Variants in GALNT13 observed in about 807,000 individuals in gnomAD.
GALNT13 encodes the protein UDP-GalNAc:polypeptide N-acetylgalactosaminyltransferase 13.
GALNT13 carries 28 observed loss-of-function variants against 64.2 expected under a neutral mutation model. The ratio of observed to expected loss-of-function variants is 0.44; its 90% CI spans 0.32 to 0.60. GALNT13 has a LOEUF of 0.60. GALNT13 is among the 20% of genes least tolerant of loss of function. The pLI, the probability that GALNT13 is intolerant of heterozygous loss-of-function variation, is 0.05. For synonymous variants in GALNT13, 214 were observed against 224.6 expected (o/e 0.95, Z 0.42); for missense variants, 577 against 669.8 (o/e 0.86, Z 1.53).
At chr2:153,713,380 T>C in the GALNT13 span, among the ~76,000 whole-genome samples, 1 of 152,168 alleles carries the variant, frequency 6.6e-6, no homozygotes, top group Non-Finnish European at 1.5e-5. Flanking sequence ...ACATCCTGAT[T>C]CCAGGGTTTC....
At chr2:153,685,917 T>C in the GALNT13 span, among the ~76,000 whole-genome samples, 1 of 152,110 alleles carries the variant, frequency 6.6e-6, no homozygotes, top group African/African-American at 2.4e-5. Flanking sequence ...CCTCATTGCT[T>C]GTTTTTGTCA....
At chr2:154,397,072 C>T (rs1440114968) in intron 10 of GALNT13, among the ~76,000 whole-genome samples, 2 of 151,718 alleles carry the variant, frequency 1.3e-5, no homozygotes, top group Admixed American at 6.6e-5. Flanking sequence ...TTATATCCTC[C>T]ATATTGATAA....
At chr2:153,201,978 T>TC in the GALNT13 span, among the ~76,000 whole-genome samples, 5 of 144,946 alleles carry the variant, frequency 3.4e-5, no homozygotes, top group South Asian at 4.5e-4. Flanking sequence ...CATTTCTTTT[T>TC]TTTTTTTTTT....
the GALNT13 span, among the ~76,000 whole-genome samples, chr2:153,082,897 C>T: frequency 0.023 from 3,506 of 150,986 alleles, 128 homozygotes; most frequent in African/African-American, 0.081. Flanking sequence ...GGCACAGTCT[C>T]GGCTCACTGC....
the GALNT13 span, among the ~76,000 whole-genome samples, chr2:153,625,951 C>T: frequency 6.6e-6 from 1 of 152,062 alleles, no homozygotes; most frequent in African/African-American, 2.4e-5. Flanking sequence ...CTGATCAAGG[C>T]ATAATTTTTC....
chr2:153,632,977 T>A, the GALNT13 span, among the ~76,000 whole-genome samples: 1 of 152,060 alleles, frequency 6.6e-6, no homozygotes, highest in Non-Finnish European at 1.5e-5. Context: ...GCCAGGCTGG[T>A]CTCGAACTCC....
rs148025521 is a variant in GALNT13, at chr2:154,404,808, G to C, written c.1297-4176G>C. Reference sequence around the variant, plus strand: ...AAAATGGGTGAGGTAAATGGGGTCAGGAGGTCTCAAGAAATAGAAGGGTAA... The same window carrying C: ...AAAATGGGTGAGGTAAATGGGGTCACGAGGTCTCAAGAAATAGAAGGGTAA... On this transcript the variant is annotated intron_variant, in intron 10 of 12. Transcript: ENST00000392825. Among the ~76,000 whole-genome samples, 319 of 152,124 alleles carry C rather than the reference G, an allele frequency of 2.1e-3. 2 individuals are homozygous for C. The highest frequency in any genetic ancestry group is 3.4e-3 in the Middle Eastern group (1 of 294).
intron 4 of GALNT13, among the ~76,000 whole-genome samples, chr2:154,218,823 T>C (rs1688180104): frequency 6.6e-6 from 1 of 152,104 alleles, no homozygotes; most frequent in Non-Finnish European, 1.5e-5. Context: ...TTGTGAACAA[T>C]TGTCTGTTGA....
At chr2:153,080,687 G>C in the GALNT13 span, among the ~76,000 whole-genome samples, 1 of 151,972 alleles carries the variant, frequency 6.6e-6, no homozygotes, top group Non-Finnish European at 1.5e-5. Flanking sequence ...TTGTCCGCTT[G>C]ATCTTTCTTG....
At chr2:153,603,453 T>C in the GALNT13 span, among the ~76,000 whole-genome samples, 1 of 152,116 alleles carries the variant, frequency 6.6e-6, no homozygotes, top group Non-Finnish European at 1.5e-5. Flanking sequence ...ACCATATACT[T>C]GTCTATATCA....
chr2:153,679,441 C>T, the GALNT13 span, among the ~76,000 whole-genome samples: 2 of 151,888 alleles, frequency 1.3e-5, no homozygotes, highest in South Asian at 4.1e-4. Flanking sequence ...AATGTCTTTG[C>T]CTGAGTTTCT....
At chr2:153,124,749 A>T in the GALNT13 span, among the ~76,000 whole-genome samples, 1 of 152,046 alleles carries the variant, frequency 6.6e-6, no homozygotes, top group African/African-American at 2.4e-5. Flanking sequence ...TGATCTGCCC[A>T]CCTCGGCCTC....
chr2:154,291,845 A>G (rs1389984925), intron 8 of GALNT13, among the ~76,000 whole-genome samples: 10 of 152,240 alleles, frequency 6.6e-5, no homozygotes. Context: ...GACTGCTAGC[A>G]CGTTGTCACC....
chr2:153,752,167 A>T, the GALNT13 span, among the ~76,000 whole-genome samples: 14 of 151,920 alleles, frequency 9.2e-5, no homozygotes, highest in African/African-American at 3.4e-4. Flanking sequence ...ATTTCTATTC[A>T]TATCTTATTT....
intron 11 of GALNT13, among the ~76,000 whole-genome samples, chr2:154,416,786 A>G (rs1220405820): frequency 1.3e-5 from 2 of 152,260 alleles, no homozygotes; most frequent in East Asian, 3.9e-4. Flanking sequence ...ATACTTTTAC[A>G]TGTCAGTGAA....
chr2:153,811,936 A>G, the GALNT13 span, among the ~76,000 whole-genome samples: 6 of 152,230 alleles, frequency 3.9e-5, no homozygotes, highest in Non-Finnish European at 7.4e-5. Context: ...ATAAACATAT[A>G]GCAAACTGTA....
the GALNT13 span, among the ~76,000 whole-genome samples, chr2:153,248,667 T>C: frequency 7.9e-5 from 12 of 151,364 alleles, no homozygotes; most frequent in African/African-American, 2.2e-4. Context: ...TACAAAAAAA[T>C]TAGCTGGGCG....
chr2:154,324,288 G>A (rs1213865899), intron 9 of GALNT13, among the ~76,000 whole-genome samples: 1 of 150,244 alleles, frequency 6.7e-6, no homozygotes, highest in Non-Finnish European at 1.5e-5. Context: ...TTATTTTATT[G>A]TCTTTAATAG....
rs137931717 is a variant in GALNT13, at chr2:154,338,618, G to A, written c.1156+37029G>A. Among the ~76,000 whole-genome samples, 377 of 152,212 alleles carry A rather than the reference G, an allele frequency of 2.5e-3. 2 individuals are homozygous for A. Among genetic ancestry groups the A allele is most frequent in the African/African-American group, 8.5e-3 (354 of 41,558 alleles). On this transcript the variant is annotated intron_variant, in intron 9 of 12. Coordinates refer to ENST00000392825, the MANE Select transcript of GALNT13 (RefSeq NM_052917.4). The stretch of plus-strand genomic sequence containing the variant: ...GGCAGAGGGAGGTGGTAAAATGTGG[G>A]CAAGAGCCCCTATTGTGGTTTCCAT...
Sources: gnomAD v4.1 joint callset for allele counts (sites outside exome capture counted in the v4.1 genomes callset) on GRCh38, gnomAD v4.1.1 for gene constraint, MANE v1.5 for transcripts, NCBI Gene and HGNC (gene_info 2026-07-23, HGNC 2026-07-21) for gene names.